The following SNTG1 variants were observed in gnomAD, a reference collection of about 807,000 sequenced individuals.
SNTG1 encodes the protein gamma-1-syntrophin.
In SNTG1, 39 loss-of-function variants were observed where a neutral mutation model predicts 74.7. The ratio of observed to expected loss-of-function variants is 0.52; its 90% CI spans 0.40 to 0.68. The LOEUF (loss-of-function observed/expected upper bound fraction) is 0.68. Among genes scored for constraint, SNTG1 ranks in the 30% least tolerant of loss-of-function variants. SNTG1 has a pLI of 0.00. For missense variants in SNTG1, 685 were observed against 609.5 expected, an observed-to-expected ratio of 1.12 and a Z score of -1.30; for synonymous variants, 254 against 217.1, an observed-to-expected ratio of 1.17 and a Z score of -1.49.
At chr8:50,697,460 A>G (rs537336218) in intron 15 of SNTG1, among the ~76,000 whole-genome samples, 4 of 152,104 alleles carry the variant, frequency 2.6e-5, no homozygotes, top group Non-Finnish European at 5.9e-5. Flanking sequence ...CTTTATTACT[A>G]TGTTAAATAG....
At chr8:50,548,268 T>C (rs1481482) in intron 11 of SNTG1, among the ~76,000 whole-genome samples, 34,125 of 152,022 alleles carry the variant, frequency 0.22, 5,102 homozygotes, top group African/African-American at 0.42. Context: ...ACGTAATTTG[T>C]GTGGATGAAC....
chr8:50,482,149 G>C (rs1189094009), intron 8 of SNTG1, among the ~76,000 whole-genome samples: 1 of 152,172 alleles, frequency 6.6e-6, no homozygotes, highest in Non-Finnish European at 1.5e-5. Context: ...TGTAGCTGTG[G>C]ACTAGCTCTG....
At chr8:50,248,822 C>G (rs1326877919) in intron 2 of SNTG1, among the ~76,000 whole-genome samples, 1 of 152,146 alleles carries the variant, frequency 6.6e-6, no homozygotes, top group Non-Finnish European at 1.5e-5. Flanking sequence ...GAGTACTTAC[C>G]ATATGCCAGG....
chr8:50,769,131 A>G (rs896241049), intron 18 of SNTG1, among the ~76,000 whole-genome samples: 1 of 150,770 alleles, frequency 6.6e-6, no homozygotes, highest in Non-Finnish European at 1.5e-5. Context: ...GAATTTCTCT[A>G]CCCGTTTGTG....
intron 2 of SNTG1, among the ~76,000 whole-genome samples, chr8:50,247,488 CA>C (rs1247173552): frequency 2.6e-5 from 4 of 151,892 alleles, no homozygotes; most frequent in Non-Finnish European, 4.4e-5. Context: ...TACTTTGGTG[CA>C]AAAAAATTGA....
chr8:50,470,515 G>A (rs903253953), intron 8 of SNTG1, among the ~76,000 whole-genome samples: 2 of 152,100 alleles, frequency 1.3e-5, no homozygotes, highest in South Asian at 4.1e-4. Flanking sequence ...GCAGACCTTC[G>A]TAGTGAGTGT....
chr8:50,231,108 A>T (rs2085600161), intron 2 of SNTG1, among the ~76,000 whole-genome samples: 1 of 151,422 alleles, frequency 6.6e-6, no homozygotes, highest in South Asian at 2.1e-4. Context: ...CAAAGATACA[A>T]ATAGCTAACA....
chr8:50,701,587 T>C (rs2095423834), intron 15 of SNTG1, among the ~76,000 whole-genome samples: 1 of 92,256 alleles, frequency 1.1e-5, no homozygotes, highest in Non-Finnish European at 2.6e-5. Context: ...TTTTTCTTCC[T>C]CTTCTTCTTC....
chr8:49,980,214 T>TA (rs1812548712), intron 1 of SNTG1, among the ~76,000 whole-genome samples: 5 of 152,152 alleles, frequency 3.3e-5, no homozygotes, highest in African/African-American at 1.2e-4. Flanking sequence ...TCTACTTTCT[T>TA]TCTCTATGAA....
At chr8:50,190,177 C>G (rs1456523331) in intron 2 of SNTG1, among the ~76,000 whole-genome samples, 2 of 152,118 alleles carry the variant, frequency 1.3e-5, no homozygotes, top group Non-Finnish European at 2.9e-5. Flanking sequence ...AGCTCACAGT[C>G]TACTGTAACT....
chr8:50,232,028 AT>A (rs1427021033), intron 2 of SNTG1, among the ~76,000 whole-genome samples: 2 of 151,410 alleles, frequency 1.3e-5, no homozygotes, highest in Admixed American at 1.3e-4. Context: ...ATGAACACCA[AT>A]TCTATGCAAC....
At chr8:50,384,033 T>C (rs1426586070) in intron 2 of SNTG1, among the ~76,000 whole-genome samples, 1 of 152,030 alleles carries the variant, frequency 6.6e-6, no homozygotes, top group East Asian at 1.9e-4. Context: ...GAAACAAAAG[T>C]TTTGCTAGTA....
At chr8:50,598,786 T>G (rs937695551) in intron 13 of SNTG1, among the ~76,000 whole-genome samples, 2 of 152,018 alleles carry the variant, frequency 1.3e-5, no homozygotes, top group African/African-American at 4.8e-5. Context: ...TATAGAGATC[T>G]TTCATTTTTC....
At chr8:50,532,628 A>AC (rs143919969) in intron 10 of SNTG1, among the ~76,000 whole-genome samples, 1,631 of 152,350 alleles carry the variant, frequency 0.011, 25 homozygotes, top group African/African-American at 0.036. Context: ...CAGGGCTAGC[A>AC]CGTGCTGTTC....
intron 1 of SNTG1, among the ~76,000 whole-genome samples, chr8:49,956,374 C>T (rs55913592): frequency 2.4e-4 from 37 of 152,270 alleles, no homozygotes; most frequent in South Asian, 1.4e-3. Context: ...AGATAACTGG[C>T]AATCTTCAAC....
chr8:50,157,504 T>G (rs752653821), intron 1 of SNTG1, among the ~76,000 whole-genome samples: 2 of 152,136 alleles, frequency 1.3e-5, no homozygotes, highest in Non-Finnish European at 2.9e-5. Context: ...AAAATACATA[T>G]TATTCAACAC....
At chr8:50,776,015 C>A (rs993232845) in intron 18 of SNTG1, among the ~76,000 whole-genome samples, 2 of 151,350 alleles carry the variant, frequency 1.3e-5, no homozygotes, top group African/African-American at 2.4e-5. Flanking sequence ...TTGTAGATAG[C>A]ATATATTTGG....
intron 13 of SNTG1, among the ~76,000 whole-genome samples, chr8:50,617,816 C>G (rs544987103): frequency 6.6e-5 from 10 of 152,192 alleles, no homozygotes; most frequent in Non-Finnish European, 1.0e-4. Flanking sequence ...TATACAATGT[C>G]TGTAATTTAT....
At chr8:50,387,588 A>C (rs1170456029) in intron 2 of SNTG1, among the ~76,000 whole-genome samples, 1 of 152,188 alleles carries the variant, frequency 6.6e-6, no homozygotes. Context: ...ATTTATGCTT[A>C]GTGGGGCAAT....
Sources: allele counts gnomAD v4.1 joint callset (sites outside exome capture counted in the v4.1 genomes callset), GRCh38; gene constraint gnomAD v4.1.1; transcripts MANE v1.5; gene names NCBI Gene and HGNC (gene_info 2026-07-23, HGNC 2026-07-21).